SNX29: variants seen among roughly 807,000 people sequenced by gnomAD.
The protein encoded by SNX29 is sorting nexin 29.
Under a neutral mutation model 102.1 loss-of-function variants are expected in SNX29, and 78 were observed. That is an observed-to-expected ratio of 0.76 (90% CI 0.64 to 0.92). The LOEUF is 0.92. Among genes scored for constraint, SNX29 ranks in the 40% least tolerant of loss-of-function variants. The pLI, the probability that SNX29 is intolerant of heterozygous loss-of-function variation, is 0.00. For synonymous variants in SNX29, 580 were observed against 414.5 expected (o/e 1.40, Z -4.85); for missense variants, 1,280 against 1,061.7 (o/e 1.21, Z -2.86).
rs2052883342 is a variant in SNX29 at position 12,098,840 on chromosome 16, C to T, written c.1402+19925C>T. Among the ~76,000 whole-genome samples, 1 of 152,212 alleles carries T rather than the reference C, an allele frequency of 6.6e-6. No individual in the cohort carries two copies. The highest frequency in any genetic ancestry group is 2.4e-5 in the African/African-American group (1 of 41,446). ...GGTAGAGACCCCCCTCAGGGCAGTTCCTGAGCACACCTTGTGGGGAGGTGA... is the reference window on the plus strand; with the variant it reads ...GGTAGAGACCCCCCTCAGGGCAGTTTCTGAGCACACCTTGTGGGGAGGTGA... On this transcript the variant is annotated intron_variant, in intron 11 of 20. Transcript: ENST00000566228. This position sits in a 1 kb window ranked among gnomAD's most constrained non-coding sequence, Gnocchi z 6.0.
chr16:12,412,699 A>G (rs2084452534), intron 18 of SNX29, among the ~76,000 whole-genome samples: 1 of 152,258 alleles, frequency 6.6e-6, no homozygotes, highest in South Asian at 2.1e-4. Flanking sequence ...TTTGAAAGGT[A>G]CATTCAGAAT....
chr16:12,558,415 G>A (rs974077564), intron 20 of SNX29, among the ~76,000 whole-genome samples: 4 of 152,216 alleles, frequency 2.6e-5, no homozygotes, highest in Non-Finnish European at 5.9e-5. Context: ...TTGAAGTGGT[G>A]AAAGCTGACA....
At chr16:12,396,422 G>A (rs1161215709) in intron 16 of SNX29, among the ~76,000 whole-genome samples, 2 of 152,126 alleles carry the variant, frequency 1.3e-5, no homozygotes, top group African/African-American at 4.8e-5. Flanking sequence ...AGGCGGTGGC[G>A]ATTGTGTGTA....
chr16:12,172,925 A>G (rs1265820114), intron 13 of SNX29, among the ~76,000 whole-genome samples: 1 of 152,240 alleles, frequency 6.6e-6, no homozygotes, highest in East Asian at 1.9e-4. Flanking sequence ...TTGTAGTGTG[A>G]AAGCAGTGTT....
intron 1 of SNX29, among the ~76,000 whole-genome samples, chr16:11,992,493 C>G: frequency 6.6e-6 from 1 of 152,060 alleles, no homozygotes; most frequent in East Asian, 1.9e-4. Flanking sequence ...CCACCCCAGC[C>G]CCTGGCAACC....
intron 13 of SNX29, among the ~76,000 whole-genome samples, chr16:12,157,152 C>T (rs967971395): frequency 2.2e-4 from 33 of 152,148 alleles, no homozygotes; most frequent in African/African-American, 6.3e-4. Flanking sequence ...GAACATGCCT[C>T]GCAGTCGCCT....
rs1316341964 is a variant in SNX29, at chr16:12,571,519, A to G, written c.*2890A>G. On this transcript the variant is annotated 3_prime_UTR_variant, in exon 21 of 21. Transcript: ENST00000566228. Reference sequence around the variant, plus strand: ...GTGGCCCACCTCTCAAGGGCCTTGGATTCCTGGGACCACCCTTTGCTGGGA... The same window carrying G: ...GTGGCCCACCTCTCAAGGGCCTTGGGTTCCTGGGACCACCCTTTGCTGGGA... The G allele has an allele frequency of 6.8e-6, 5 of 732,790 alleles. No individual in the cohort carries two copies. The South Asian group carries it at 2.6e-4, about 39-fold the overall frequency. The allele number at this position is 732,790 out of a possible 1,614,324, so 45.4% of individuals were successfully genotyped here.
chr16:12,452,467 C>T (rs116914125), intron 18 of SNX29, among the ~76,000 whole-genome samples: 2,881 of 80,032 alleles, frequency 0.036, 37 homozygotes, highest in Middle Eastern at 0.045. Flanking sequence ...GGCAGATGCC[C>T]ACCGCTGAGT....
At chr16:12,081,691 A>AAAAAAAAAAAAAAAAG (rs1555456660) in intron 11 of SNX29, 2 of 88,910 alleles carry the variant, frequency 2.2e-5, no homozygotes, top group Non-Finnish European at 4.3e-5. Flanking sequence ...AAAAAAAAAA[A>AAAAAAAAAAAAAAAAG]AAAAGAAAAG....
At chr16:12,268,781 G>A (rs528360673) in intron 14 of SNX29, among the ~76,000 whole-genome samples, 1 of 152,230 alleles carries the variant, frequency 6.6e-6, no homozygotes, top group African/African-American at 2.4e-5. Context: ...TGTTCACATT[G>A]AAAGCAAAAC....
intron 11 of SNX29, among the ~76,000 whole-genome samples, chr16:12,103,921 T>C (rs1290254934): frequency 6.6e-6 from 1 of 152,250 alleles, no homozygotes; most frequent in Non-Finnish European, 1.5e-5. Context: ...TTTGTAATCA[T>C]CAATTTATTC....
At chr16:12,045,405 CAG>C (rs55654150) in intron 5 of SNX29, among the ~76,000 whole-genome samples, 1 of 151,302 alleles carries the variant, frequency 6.6e-6, no homozygotes, top group Non-Finnish European at 1.5e-5. Context: ...AACAGGAAGA[CAG>C]AGAGAGCTTG....
chr16:11,993,325 C>T (rs985803813), intron 1 of SNX29, among the ~76,000 whole-genome samples: 19 of 152,160 alleles, frequency 1.2e-4, no homozygotes, highest in African/African-American at 4.6e-4. Context: ...TGCTTGTTTT[C>T]TCCTCCCCAC....
intron 19 of SNX29, among the ~76,000 whole-genome samples, chr16:12,524,380 T>C (rs563870484): frequency 2.8e-3 from 425 of 151,986 alleles, no homozygotes; most frequent in African/African-American, 1.0e-2. Context: ...CACAGCAGTG[T>C]GTTCATTGTT....
intron 19 of SNX29, among the ~76,000 whole-genome samples, chr16:12,518,907 G>A (rs945416242): frequency 6.6e-6 from 1 of 152,230 alleles, no homozygotes; most frequent in Non-Finnish European, 1.5e-5. Flanking sequence ...ACCTTGTGAT[G>A]TGAAGTAGAT....
intron 13 of SNX29, among the ~76,000 whole-genome samples, chr16:12,188,334 A>C (rs1184022073): frequency 6.6e-6 from 1 of 152,220 alleles, no homozygotes; most frequent in Non-Finnish European, 1.5e-5. Flanking sequence ...AACTTGCCCA[A>C]GGTCATACAG....
chr16:12,382,704 G>A (rs1341093544), intron 16 of SNX29, among the ~76,000 whole-genome samples: 1 of 152,192 alleles, frequency 6.6e-6, no homozygotes, highest in Non-Finnish European at 1.5e-5. Context: ...TGCCAGCAGT[G>A]GCAGGGCTGT....
intron 13 of SNX29, among the ~76,000 whole-genome samples, chr16:12,169,421 G>A (rs2076093598): frequency 6.6e-6 from 1 of 152,196 alleles, no homozygotes; most frequent in African/African-American, 2.4e-5. Context: ...GAGGCCATGT[G>A]GGTCTTGTCA....
intron 14 of SNX29, among the ~76,000 whole-genome samples, chr16:12,273,335 GTTTTTTGTTTTTTT>G (rs1567383312): frequency 1.1e-5 from 1 of 91,094 alleles, no homozygotes; most frequent in Non-Finnish European, 2.2e-5. Flanking sequence ...GTGGTTTTTT[GTTTTTTGTTTTTTT>G]TTTTTTGTTG....
Sources: allele counts gnomAD v4.1 joint callset (sites outside exome capture counted in the v4.1 genomes callset), GRCh38; gene constraint gnomAD v4.1.1; non-coding constraint Gnocchi (gnomAD v3.1); transcripts MANE v1.5; gene names NCBI Gene and HGNC (gene_info 2026-07-23, HGNC 2026-07-21).